The following DGKI variants were observed in gnomAD, a reference collection of about 807,000 sequenced individuals.
DGKI encodes DAG kinase iota.
DGKI carries 55 observed loss-of-function variants against 147.5 expected under a neutral mutation model. The ratio of observed to expected loss-of-function variants is 0.37; its 90% CI spans 0.30 to 0.47. The LOEUF (loss-of-function observed/expected upper bound fraction) is 0.47. DGKI is among the 20% of genes least tolerant of loss of function. DGKI has a pLI of 1.00. For missense variants in DGKI, 1,007 were observed against 1,323.8 expected (o/e 0.76, Z 3.71); for synonymous variants, 469 against 477.1 (o/e 0.98, Z 0.22).
intron 1 of DGKI, among the ~76,000 whole-genome samples, chr7:137,715,185 G>A (rs780733352): frequency 2.6e-5 from 4 of 152,250 alleles, no homozygotes; most frequent in Non-Finnish European, 4.4e-5. Context: ...TAAATGGTAC[G>A]GGTAGAAACT....
chr7:137,514,519 A>T (rs1816688558), intron 21 of DGKI, among the ~76,000 whole-genome samples: 2 of 152,148 alleles, frequency 1.3e-5, no homozygotes, highest in Admixed American at 1.3e-4. Context: ...TTTCTCTCTG[A>T]TTCCAATGAA....
chr7:137,580,581 C>A (rs1819153974), intron 15 of DGKI, among the ~76,000 whole-genome samples: 1 of 152,112 alleles, frequency 6.6e-6, no homozygotes, highest in African/African-American at 2.4e-5. Context: ...TTGACCTTTA[C>A]AGAGCCTGTC....
At position 137,688,429 on chromosome 7, in the gene DGKI, T is replaced by C. The variant is rs541519805; in HGVS notation, c.510+1465A>G. 1.1e-4 allele frequency among the ~76,000 whole-genome samples: 16 copies of C among 152,322 alleles called. 1 individual carries two copies. The highest frequency in any genetic ancestry group is 6.2e-4 in the South Asian group (3 of 4,820). ...TAACAATGTCCATGAAATAGGGCCA[T>C]GATTATCCCCATCTACAGATGAGGA... On this transcript the variant is annotated intron_variant, in intron 2 of 32. Coordinates refer to ENST00000614521, the MANE Select transcript of DGKI (RefSeq NM_001321708.2).
intron 3 of DGKI, among the ~76,000 whole-genome samples, chr7:137,666,053 T>C (rs143208476): frequency 6.6e-6 from 1 of 152,318 alleles, no homozygotes; most frequent in Non-Finnish European, 1.5e-5. Context: ...TGGATTAAGT[T>C]TGGTAAAAAC....
At chr7:137,423,990 T>C (rs1392457596) in intron 28 of DGKI, among the ~76,000 whole-genome samples, 1 of 152,190 alleles carries the variant, frequency 6.6e-6, no homozygotes, top group Non-Finnish European at 1.5e-5. Context: ...ACTTTAGGTA[T>C]TTCTCCTAAT....
intron 24 of DGKI, among the ~76,000 whole-genome samples, chr7:137,469,038 CATAAG>C (rs935871589): frequency 1.1e-4 from 16 of 152,120 alleles, no homozygotes; most frequent in African/African-American, 3.6e-4. Context: ...ATTAAACAAT[CATAAG>C]ATAACTAACC....
intron 1 of DGKI, among the ~76,000 whole-genome samples, chr7:137,745,960 G>C (rs555246467): frequency 6.6e-6 from 1 of 151,984 alleles, no homozygotes; most frequent in Non-Finnish European, 1.5e-5. Context: ...TAAATTTGTC[G>C]GTGGAAGAGA....
chr7:137,744,449 C>A (rs1241117091), intron 1 of DGKI, among the ~76,000 whole-genome samples: 1 of 152,046 alleles, frequency 6.6e-6, no homozygotes, highest in Non-Finnish European at 1.5e-5. Context: ...GGATTTACAA[C>A]CAAATTCTAC....
intron 20 of DGKI, among the ~76,000 whole-genome samples, chr7:137,531,207 A>G (rs540415149): frequency 1.2e-4 from 18 of 152,320 alleles, no homozygotes; most frequent in African/African-American, 4.1e-4. Flanking sequence ...AGAATTCTGC[A>G]AATTCCAACT....
At chr7:137,540,578 C>T (rs905250224) in intron 20 of DGKI, among the ~76,000 whole-genome samples, 2 of 151,754 alleles carry the variant, frequency 1.3e-5, no homozygotes, top group Non-Finnish European at 2.9e-5. Flanking sequence ...CCCAGCTACT[C>T]AGGAGGCTGA....
At chr7:137,723,614 A>C (rs777675332) in intron 1 of DGKI, among the ~76,000 whole-genome samples, 3 of 152,032 alleles carry the variant, frequency 2.0e-5, no homozygotes, top group Non-Finnish European at 4.4e-5. Flanking sequence ...CTCTTAGTAT[A>C]CAGTGAAATC....
At chr7:137,565,800 T>C (rs1818563323) in intron 19 of DGKI, among the ~76,000 whole-genome samples, 1 of 152,178 alleles carries the variant, frequency 6.6e-6, no homozygotes, top group Non-Finnish European at 1.5e-5. Context: ...TTATGGTCTG[T>C]GTAAACTCCA....
At chr7:137,563,739 G>A (rs1042823438) in intron 19 of DGKI, among the ~76,000 whole-genome samples, 2 of 151,944 alleles carry the variant, frequency 1.3e-5, no homozygotes, top group Admixed American at 1.3e-4. Context: ...CAAAAGGTGT[G>A]CAAAAACCTG....
intron 28 of DGKI, among the ~76,000 whole-genome samples, chr7:137,421,852 C>T (rs752573934): frequency 1.3e-5 from 2 of 152,090 alleles, no homozygotes; most frequent in East Asian, 1.9e-4. Context: ...GTGATTCAGC[C>T]GGCTATCATT....
At chr7:137,415,076 C>A (rs1294998984) in intron 28 of DGKI, among the ~76,000 whole-genome samples, 1 of 151,996 alleles carries the variant, frequency 6.6e-6, no homozygotes, top group Non-Finnish European at 1.5e-5. Flanking sequence ...TGAAGCTGGG[C>A]AGACATATCT....
chr7:137,395,566 G>C, intron 32 of DGKI, 32 bp downstream of exon 32: 1 of 1,594,358 alleles, frequency 6.3e-7, no homozygotes, highest in Non-Finnish European at 8.6e-7. Flanking sequence ...CTCGCCCAGC[G>C]GGAGGATGTT....
chr7:137,595,649 C>T (rs1292130884), intron 12 of DGKI, among the ~76,000 whole-genome samples: 1 of 152,060 alleles, frequency 6.6e-6, no homozygotes, highest in Non-Finnish European at 1.5e-5. Context: ...CATCTAATTG[C>T]AGAGAATATC....
chr7:137,469,657 A>G (rs1221040304), intron 23 of DGKI, 38 bp from the exon 24 acceptor site: 2 of 1,592,850 alleles, frequency 1.3e-6, no homozygotes, highest in Admixed American at 3.3e-5. Flanking sequence ...GCTGCATTTC[A>G]ATAACCTGAT....
intron 23 of DGKI, among the ~76,000 whole-genome samples, chr7:137,476,014 G>A (rs1815158796): frequency 6.6e-6 from 1 of 152,078 alleles, no homozygotes; most frequent in South Asian, 2.1e-4. Context: ...TCAAATTTGG[G>A]GCTAAAAACC....
Sources: gnomAD v4.1 joint callset for allele counts (sites outside exome capture counted in the v4.1 genomes callset) on GRCh38, gnomAD v4.1.1 for gene constraint, MANE v1.5 for transcripts, NCBI Gene and HGNC (gene_info 2026-07-23, HGNC 2026-07-21) for gene names.